The following CXCL6 variants were observed in gnomAD, a reference collection of about 807,000 sequenced individuals.
The protein encoded by CXCL6 is C-X-C motif chemokine ligand 6.
A neutral mutation model predicts 10.5 loss-of-function variants in CXCL6; 18 were observed. The observed-to-expected ratio is 1.71, with a 90% CI of 1.18 to 2.54. The LOEUF is 2.54. Among genes scored for constraint, CXCL6 ranks in the 30% most tolerant of loss-of-function variants. The probability of loss-of-function intolerance (pLI) is 0.00; values close to 1 mark genes in which losing one functional copy is unlikely to be tolerated. For synonymous variants in CXCL6, 82 were observed against 68.3 expected (o/e 1.20, Z -0.99); for missense variants, 171 against 145.7 (o/e 1.17, Z -0.90).
In CXCL6 at chr4:73,838,603, T is replaced by G. The variant is rs1731155053; in HGVS notation, c.*962T>G. 1 of 152,656 alleles carries G rather than the reference T, an allele frequency of 6.6e-6. No homozygotes were observed. Among genetic ancestry groups the G allele is most frequent in the Non-Finnish European group, 1.5e-5 (1 of 68,042 alleles). The allele number at this position is 152,656 out of a possible 1,614,324, so 9.5% of individuals were successfully genotyped here. ...ATTGCTAAGATTTTCAGATATCTATTGTGGATCTTTTAAAGGTTTTGACCA... is the reference window on the plus strand; with the variant it reads ...ATTGCTAAGATTTTCAGATATCTATGGTGGATCTTTTAAAGGTTTTGACCA... On this transcript the variant is annotated 3_prime_UTR_variant, in exon 4 of 4. Coordinates refer to ENST00000226317, the MANE Select transcript of CXCL6 (RefSeq NM_002993.4).
At chr4:73,837,135 G>A in intron 2 of CXCL6, 39 bp downstream of exon 2, 5 of 1,613,260 alleles carry the variant, frequency 3.1e-6, no homozygotes, top group Non-Finnish European at 4.2e-6. Context: ...TGTGACTTAG[G>A]CAAGTCCTCC....
chr4:73,837,187 T>A lies in CXCL6; in HGVS notation c.243-16T>A, dbSNP rs1731122597. 6.2e-7 allele frequency: 1 copy of A among 1,614,046 alleles called. No homozygotes were observed. The highest frequency in any genetic ancestry group is 1.3e-5 in the African/African-American group (1 of 74,998). On this transcript the variant is annotated splice_polypyrimidine_tract_variant and intron_variant, in intron 2 of 3. Coordinates refer to ENST00000226317, the MANE Select transcript of CXCL6 (RefSeq NM_002993.4). The stretch of plus-strand genomic sequence containing the variant: ...CTTTGTGGCTCATGGGTGCATCCTC[T>A]TTTTCTTTACTTCAGAGCCTCCCTG...
rs1731111252 is a variant in CXCL6, at chr4:73,836,787, G to T, written c.37G>T (p.Gly13Cys). The T allele has an allele frequency of 6.2e-7, 1 of 1,611,864 alleles. No homozygotes were observed. The highest frequency in any genetic ancestry group is 8.5e-7 in the Non-Finnish European group (1 of 1,179,414). ...GTCCAGCCGCGCGGCCCGTGTCCCG[G>T]GTCCTTCGGGCTCCTTGTGCGCGCT... ...LPSSRAARVP[G>C]PSGSLCALLA... is the part of the protein sequence containing the mutation. Residue 13 changes from glycine to cysteine, a missense_variant, in exon 1 of 4, where the codon GGT becomes TGT. Coordinates refer to ENST00000226317, the MANE Select transcript of CXCL6 (RefSeq NM_002993.4).
In CXCL6 at chr4:73,837,042, T is replaced by C. The variant is rs1731118738; in HGVS notation, c.188T>C (p.Ile63Thr). The change falls in exon 2 of 4, where the codon ATT becomes ACT. Residue 63 changes from isoleucine to threonine, a missense_variant. Coordinates refer to ENST00000226317, the MANE Select transcript of CXCL6 (RefSeq NM_002993.4). ...ACGCTGAGAGTAAACCCCAAAACGATTGGTAAACTGCAGGTGTTCCCCGCA... is the reference window on the plus strand; with the variant it reads ...ACGCTGAGAGTAAACCCCAAAACGACTGGTAAACTGCAGGTGTTCCCCGCA... ...RVTLRVNPKT[I>T]GKLQVFPAGP... The C allele has an allele frequency of 6.2e-7, 1 of 1,613,866 alleles. No homozygotes were observed. Among genetic ancestry groups the C allele is most frequent in the African/African-American group, 1.3e-5 (1 of 74,946 alleles).
chr4:73,837,192 C>T lies in CXCL6; in HGVS notation c.243-11C>T, dbSNP rs1312007657. ...TGGCTCATGGGTGCATCCTCTTTTT[C>T]TTTACTTCAGAGCCTCCCTGAAGAA... On this transcript the variant is annotated splice_polypyrimidine_tract_variant and intron_variant, in intron 2 of 3. Transcript: ENST00000226317. The T allele has an allele frequency of 6.2e-7, 1 of 1,613,730 alleles. No individual in the cohort carries two copies. Among genetic ancestry groups the T allele is most frequent in the Non-Finnish European group, 8.5e-7 (1 of 1,179,928 alleles).
Position 73,836,823 on chromosome 4 carries a change from C to T in CXCL6, c.73C>T (p.Leu25=), listed in dbSNP as rs1731112840. 2 of 1,612,308 alleles carry T rather than the reference C, an allele frequency of 1.2e-6. No homozygotes were observed. The highest frequency in any genetic ancestry group is 2.7e-5 in the African/African-American group (2 of 74,998). The change falls in exon 1 of 4, where the codon CTG becomes TTG. Residue 25 remains leucine, a synonymous_variant. Transcript: ENST00000226317. ...SGSLCALLAL[L]LLLTPPGPLA... is the part of the protein sequence containing the mutation. ...CTCCTTGTGCGCGCTGCTCGCGCTG[C>T]TGCTCCTGCTGACGCCGCCGGGGCC... is the stretch of plus-strand genomic sequence containing the variant.
In CXCL6 at chr4:73,836,781, G is replaced by A; in HGVS notation, c.31G>A (p.Val11Ile). Residue 11 changes from valine (V) to isoleucine (I), a missense_variant, in exon 1 of 4, where the codon GTC becomes ATC. Coordinates refer to ENST00000226317, the MANE Select transcript of CXCL6 (RefSeq NM_002993.4). MSLPSSRAAR[V>I]PGPSGSLCAL... is the part of the protein sequence containing the mutation. Reference sequence around the variant, plus strand: ...CCTCCCGTCCAGCCGCGCGGCCCGTGTCCCGGGTCCTTCGGGCTCCTTGTG... The same window carrying A: ...CCTCCCGTCCAGCCGCGCGGCCCGTATCCCGGGTCCTTCGGGCTCCTTGTG... 6.2e-7 allele frequency: 1 copy of A among 1,611,630 alleles called. No homozygotes were observed. The highest frequency in any genetic ancestry group is 1.1e-5 in the South Asian group (1 of 90,932).
At position 73,837,880 on chromosome 4, in the gene CXCL6, A is replaced by G. The variant is rs1285658424; in HGVS notation, c.*239A>G. On this transcript the variant is annotated 3_prime_UTR_variant, in exon 4 of 4. Transcript: ENST00000226317. The stretch of plus-strand genomic sequence containing the variant: ...TTACTGTTATTTTACCTGATAAGTT[A>G]TTGAACCCTTTGGCAATTGACCATA... The G allele has an allele frequency of 7.8e-6, 3 of 386,978 alleles. No homozygotes were observed. Among genetic ancestry groups the G allele is most frequent in the Non-Finnish European group, 4.7e-6 (1 of 212,934 alleles). 24.0% of individuals were successfully genotyped at this position (386,978 alleles called of 1,614,324 possible). A position where few individuals can be genotyped will look rare whatever the true frequency, so the allele number is the denominator to read the frequency against.
Position 73,836,862 on chromosome 4 carries a change from G to A in CXCL6, c.109+3G>A. ...GCCGCCGGGGCCCCTCGCCAGCGGT[G>A]AGAGCTCCTGGCACTGGGGTGCATC... On this transcript the variant is annotated splice_donor_region_variant and intron_variant, in intron 1 of 3. Coordinates refer to ENST00000226317, the MANE Select transcript of CXCL6 (RefSeq NM_002993.4). 6.2e-7 allele frequency: 1 copy of A among 1,612,378 alleles called. No homozygotes were observed. Among genetic ancestry groups the A allele is most frequent in the Non-Finnish European group, 8.5e-7 (1 of 1,179,048 alleles).
At chr4:73,837,334 AG>A in intron 3 of CXCL6, 48 bp downstream of exon 3, 1 of 1,446,558 alleles carries the variant, frequency 6.9e-7, no homozygotes, top group Non-Finnish European at 9.7e-7. Context: ...TTCTATGGAA[AG>A]CATATACTTC....
Position 73,836,959 on chromosome 4 carries a change from C to T in CXCL6, c.110-5C>T. 6.2e-7 allele frequency: 1 copy of T among 1,603,926 alleles called. No homozygotes were observed. Among genetic ancestry groups the T allele is most frequent in the Non-Finnish European group, 8.5e-7 (1 of 1,174,904 alleles). ...CTGCCCTATAAAAATGTCTTTCTTC[C>T]CCAGCTGGTCCTGTCTCTGCTGTGC... On this transcript the variant is annotated splice_region_variant and splice_polypyrimidine_tract_variant and intron_variant, in intron 1 of 3. Coordinates refer to ENST00000226317, the MANE Select transcript of CXCL6 (RefSeq NM_002993.4).
chr4:73,836,967 GT>G lies in CXCL6; in HGVS notation c.114del (p.Pro39LeufsTer6). 1 of 1,607,366 alleles carries G rather than the reference GT, an allele frequency of 6.2e-7. No individual in the cohort carries two copies. The highest frequency in any genetic ancestry group is 8.5e-7 in the Non-Finnish European group (1 of 1,176,646). ...TAAAAATGTCTTTCTTCCCCAGCTG[GT>G]CCTGTCTCTGCTGTGCTGACAGAGC... Reference protein sequence around the residue: ...LTPPGPLASAGPVSAVLTELR... With the variant: ...LTPPGPLASAXPVSAVLTELR... On this transcript the variant is annotated frameshift_variant, in exon 2 of 4. Coordinates refer to ENST00000226317, the MANE Select transcript of CXCL6 (RefSeq NM_002993.4). LOFTEE classifies it high-confidence loss of function.
rs1578138583 is a variant in CXCL6 at position 73,836,678 on chromosome 4, C to T, written c.-73C>T. ...GGGAGTGCAGAAGGCACGAGGAAACCAAAGTGCTCTGTATCCTCCAGTCTC... is the reference window on the plus strand; with the variant it reads ...GGGAGTGCAGAAGGCACGAGGAAACTAAAGTGCTCTGTATCCTCCAGTCTC... On this transcript the variant is annotated 5_prime_UTR_variant, in exon 1 of 4. Transcript: ENST00000226317. 1.5e-5 allele frequency: 19 copies of T among 1,310,146 alleles called. No homozygotes were observed. The East Asian group carries it at 4.5e-4, about 31-fold the overall frequency. 81.2% of individuals were successfully genotyped at this position (1,310,146 alleles called of 1,614,324 possible).
At position 73,836,742 on chromosome 4, in the gene CXCL6, T is replaced by C. The variant is rs1233601002; in HGVS notation, c.-9T>C. 6.2e-7 allele frequency: 1 copy of C among 1,605,988 alleles called. No homozygotes were observed. Among genetic ancestry groups the C allele is most frequent in the Admixed American group, 1.7e-5 (1 of 59,132 alleles). On this transcript the variant is annotated 5_prime_UTR_variant, in exon 1 of 4. Coordinates refer to ENST00000226317, the MANE Select transcript of CXCL6 (RefSeq NM_002993.4). ...AGCTCAGGAACCCGCGAACCCTCTC[T>C]TGACCACTATGAGCCTCCCGTCCAG...
Position 73,838,386 on chromosome 4 carries a change from A to G in CXCL6, c.*745A>G, listed in dbSNP as rs1731150321. On this transcript the variant is annotated 3_prime_UTR_variant, in exon 4 of 4. Coordinates refer to ENST00000226317, the MANE Select transcript of CXCL6 (RefSeq NM_002993.4). ...AGGATGACTATAATTCTGGTCACTA[A>G]ATATACACTTTAGATAGATGAAGAA... is the stretch of plus-strand genomic sequence containing the variant. The G allele has an allele frequency of 6.6e-6, 1 of 152,216 alleles. No homozygotes were observed. Among genetic ancestry groups the G allele is most frequent in the African/African-American group, 2.4e-5 (1 of 41,458 alleles). 9.4% of individuals were successfully genotyped at this position (152,216 alleles called of 1,614,324 possible). A position where few individuals can be genotyped will look rare whatever the true frequency, so the allele number is the denominator to read the frequency against.
At chr4:73,837,579 G>A (rs1731132288) in intron 3 of CXCL6, 44 bp from the exon 4 acceptor site, 3 of 1,557,690 alleles carry the variant, frequency 1.9e-6, no homozygotes, top group African/African-American at 2.8e-5. Context: ...TAGCATACAA[G>A]AGTGTGGGAA....
At position 73,837,976 on chromosome 4, in the gene CXCL6, A is replaced by G. The variant is rs1455287047; in HGVS notation, c.*335A>G. 3 of 217,344 alleles carry G rather than the reference A, an allele frequency of 1.4e-5. No homozygotes were observed. Among genetic ancestry groups the G allele is most frequent in the Admixed American group, 5.8e-5 (1 of 17,230 alleles). 13.5% of individuals were successfully genotyped at this position (217,344 alleles called of 1,614,324 possible). A position where few individuals can be genotyped will look rare whatever the true frequency, so the allele number is the denominator to read the frequency against. On this transcript the variant is annotated 3_prime_UTR_variant, in exon 4 of 4. Coordinates refer to ENST00000226317, the MANE Select transcript of CXCL6 (RefSeq NM_002993.4). Reference sequence around the variant, plus strand: ...AATTGAAGATAACTATTGTATTTCTATCATACATTCCTTAAAGTCTTACCG... The same window carrying G: ...AATTGAAGATAACTATTGTATTTCTGTCATACATTCCTTAAAGTCTTACCG...
chr4:73,836,731 C>A lies in CXCL6; in HGVS notation c.-20C>A, dbSNP rs773061109. 6.3e-7 allele frequency: 1 copy of A among 1,595,590 alleles called. No homozygotes were observed. The highest frequency in any genetic ancestry group is 8.5e-7 in the Non-Finnish European group (1 of 1,171,146). On this transcript the variant is annotated 5_prime_UTR_variant, in exon 1 of 4. Transcript: ENST00000226317. ...CGCCTCCACCCAGCTCAGGAACCCG[C>A]GAACCCTCTCTTGACCACTATGAGC...
intron 1 of CXCL6, 40 bp downstream of exon 1, chr4:73,836,899 G>C: frequency 6.2e-7 from 1 of 1,607,696 alleles, no homozygotes; most frequent in East Asian, 2.2e-5. Flanking sequence ...CAGCCTCTGC[G>C]GGGCCGCTGC....
Sources: gnomAD v4.1 joint callset for allele counts on GRCh38, gnomAD v4.1.1 for gene constraint, MANE v1.5 for transcripts, NCBI Gene and HGNC (gene_info 2026-07-23, HGNC 2026-07-21) for gene names.